NRAP: variants seen among roughly 807,000 people sequenced by gnomAD.
NRAP encodes nebulin related anchoring protein, also known as nebulin-related-anchoring protein.
NRAP carries 189 observed loss-of-function variants against 225.9 expected under a neutral mutation model. That is an observed-to-expected ratio of 0.84 (90% CI 0.74 to 0.94). The LOEUF (loss-of-function observed/expected upper bound fraction) is 0.94. Among genes scored for constraint, NRAP ranks in the 40% least tolerant of loss-of-function variants. The pLI is 0.00. For synonymous variants in NRAP, 769 were observed against 790.7 expected, an observed-to-expected ratio of 0.97 and a Z score of 0.46; for missense variants, 2,176 against 2,168.7, an observed-to-expected ratio of 1.00 and a Z score of -0.07.
At chr10:113,644,592 C>A (rs1849392710) in intron 11 of NRAP, among the ~76,000 whole-genome samples, 1 of 152,124 alleles carries the variant, frequency 6.6e-6, no homozygotes, top group Admixed American at 6.5e-5. Flanking sequence ...TCTAGAGTAC[C>A]AGAATCATCT....
intron 29 of NRAP, among the ~76,000 whole-genome samples, chr10:113,613,145 C>A (rs1847433431): frequency 6.6e-6 from 1 of 152,160 alleles, no homozygotes; most frequent in Admixed American, 6.5e-5. Context: ...GCCACCCCTC[C>A]CTGACCTCCT....
At chr10:113,637,310 C>T (rs141472463) in intron 14 of NRAP, among the ~76,000 whole-genome samples, 8 of 152,114 alleles carry the variant, frequency 5.3e-5, no homozygotes, top group South Asian at 4.1e-4. Flanking sequence ...GCACAGAGAC[C>T]GAAAGTGGCT....
chr10:113,639,528 A>G (rs1592832338), intron 14 of NRAP, among the ~76,000 whole-genome samples: 1 of 152,366 alleles, frequency 6.6e-6, no homozygotes, highest in East Asian at 1.9e-4. Flanking sequence ...GATTGGAGAT[A>G]ACCTTCTCTG....
intron 14 of NRAP, among the ~76,000 whole-genome samples, chr10:113,639,091 CAAAA>C (rs60509891): frequency 2.6e-5 from 3 of 115,820 alleles, no homozygotes; most frequent in African/African-American, 1.0e-4. Flanking sequence ...ATGTATATAG[CAAAA>C]AAAAAAAAAA....
chr10:113,599,727 AG>A (rs1846486467), intron 35 of NRAP, among the ~76,000 whole-genome samples: 1 of 152,210 alleles, frequency 6.6e-6, no homozygotes, highest in South Asian at 2.1e-4. Context: ...ATGATAAAAG[AG>A]GGGGCCAGGG....
In NRAP at chr10:113,596,566, G is replaced by A. The variant is rs191719698; in HGVS notation, c.4431+520C>T. On this transcript the variant is annotated intron_variant, in intron 37 of 41. Coordinates refer to ENST00000359988, the MANE Select transcript of NRAP (RefSeq NM_198060.4). ...TAAATTATACAGAGAGTAAAATCAG[G>A]AAGAAGCTTTAAATACAGCTGTTCC... Among the ~76,000 whole-genome samples, 491 of 152,274 alleles carry A rather than the reference G, an allele frequency of 3.2e-3. 1 individual carries two copies. The highest frequency in any genetic ancestry group is 0.011 in the African/African-American group (473 of 41,558).
chr10:113,644,896 A>AT (rs1252541847), intron 11 of NRAP, among the ~76,000 whole-genome samples: 2 of 152,226 alleles, frequency 1.3e-5, no homozygotes, highest in African/African-American at 4.8e-5. Context: ...GCCAAGTCAA[A>AT]TGCCTTCAGA....
At chr10:113,602,169 C>T (rs1351084977) in intron 35 of NRAP, among the ~76,000 whole-genome samples, 1 of 152,210 alleles carries the variant, frequency 6.6e-6, no homozygotes, top group Non-Finnish European at 1.5e-5. Flanking sequence ...TGAGCCACCA[C>T]ACCCGGCCCC....
At chr10:113,610,243 A>C (rs765479320) in intron 31 of NRAP, among the ~76,000 whole-genome samples, 11 of 149,950 alleles carry the variant, frequency 7.3e-5, no homozygotes, top group Non-Finnish European at 1.2e-4. Context: ...TCAGCTACCT[A>C]GGAGGCTGAG....
Position 113,640,245 on chromosome 10 carries a change from T to C in NRAP, c.1410A>G (p.Lys470=). ...AACTTACATCTTTCAAGGGCACCAG[T>C]TTCATAGCTGTTTGATAGGAAGGCG... ...TLTPSYQTAM[K]LVPLKDANYR... Residue 470 remains lysine, a synonymous_variant, in exon 14 of 42, where the codon AAA becomes AAG. Coordinates refer to ENST00000359988, the MANE Select transcript of NRAP (RefSeq NM_198060.4). 6 of 1,601,688 alleles carry C rather than the reference T, an allele frequency of 3.7e-6. No individual in the cohort carries two copies. Among genetic ancestry groups the C allele is most frequent in the Non-Finnish European group, 5.1e-6 (6 of 1,172,476 alleles).
At chr10:113,659,323 C>G (rs1184812800) in intron 3 of NRAP, among the ~76,000 whole-genome samples, 1 of 152,138 alleles carries the variant, frequency 6.6e-6, no homozygotes, top group Non-Finnish European at 1.5e-5. Flanking sequence ...CAATAATACC[C>G]CATCAACACC....
chr10:113,589,401 C>T (rs759067744), intron 41 of NRAP: 1 of 577,072 alleles, frequency 1.7e-6, no homozygotes, highest in Non-Finnish European at 3.1e-6. Flanking sequence ...GCTGCCCTGG[C>T]CCGGGATTGA....
At chr10:113,613,154 C>T (rs1847433931) in intron 29 of NRAP, among the ~76,000 whole-genome samples, 1 of 152,148 alleles carries the variant, frequency 6.6e-6, no homozygotes, top group South Asian at 2.1e-4. Flanking sequence ...CCCTGACCTC[C>T]TATCCCCACT....
intron 3 of NRAP, among the ~76,000 whole-genome samples, chr10:113,660,421 G>A (rs1350685503): frequency 2.0e-5 from 3 of 151,916 alleles, no homozygotes; most frequent in African/African-American, 4.8e-5. Context: ...TCACATAGAC[G>A]CAAACAAATA....
chr10:113,605,217 G>C (rs375106329), intron 34 of NRAP, among the ~76,000 whole-genome samples: 1 of 152,194 alleles, frequency 6.6e-6, no homozygotes, highest in East Asian at 1.9e-4. Context: ...TTATCCGTTC[G>C]CACTTGGCAA....
intron 18 of NRAP, among the ~76,000 whole-genome samples, chr10:113,630,452 TGGTGAA>T (rs1299358782): frequency 6.6e-6 from 1 of 152,042 alleles, no homozygotes; most frequent in Non-Finnish European, 1.5e-5. Context: ...ACCATGGTGA[TGGTGAA>T]GGTGATGGTG....
chr10:113,630,017 T>C (rs1848495386), intron 18 of NRAP, among the ~76,000 whole-genome samples: 1 of 152,174 alleles, frequency 6.6e-6, no homozygotes, highest in Admixed American at 6.5e-5. Context: ...TTGCCAATGC[T>C]AAACCTTTTC....
intron 38 of NRAP, among the ~76,000 whole-genome samples, chr10:113,594,193 T>C (rs2133835079): frequency 6.6e-6 from 1 of 152,234 alleles, no homozygotes; most frequent in Middle Eastern, 3.4e-3. Context: ...TTCGGCTGCC[T>C]TACACATCTC....
chr10:113,589,619 C>T, intron 41 of NRAP, 47 bp downstream of exon 41: 1 of 1,517,836 alleles, frequency 6.6e-7, no homozygotes, highest in South Asian at 1.2e-5. Context: ...GTTTGTCTTT[C>T]CCCATGGCCT....
Sources: allele counts gnomAD v4.1 joint callset (sites outside exome capture counted in the v4.1 genomes callset), GRCh38; gene constraint gnomAD v4.1.1; transcripts MANE v1.5; gene names NCBI Gene and HGNC (gene_info 2026-07-23, HGNC 2026-07-21).